Variants in NELL1 observed in about 807,000 individuals in gnomAD.
The protein encoded by NELL1 is protein kinase C-binding protein NELL1.
Under a neutral mutation model 107.4 loss-of-function variants are expected in NELL1, and 76 were observed. The ratio of observed to expected loss-of-function variants is 0.71; its 90% CI spans 0.59 to 0.86. The LOEUF is 0.86. Among genes scored for constraint, NELL1 ranks in the 40% least tolerant of loss-of-function variants. The pLI, the probability that NELL1 is intolerant of heterozygous loss-of-function variation, is 0.00. For synonymous variants in NELL1, 353 were observed against 341.2 expected, an observed-to-expected ratio of 1.03 and a Z score of -0.38; for missense variants, 1,024 against 1,005.5, an observed-to-expected ratio of 1.02 and a Z score of -0.25.
chr11:21,287,539 C>A (rs575586276), intron 14 of NELL1, among the ~76,000 whole-genome samples: 1 of 152,156 alleles, frequency 6.6e-6, no homozygotes, highest in Admixed American at 6.5e-5. Context: ...TCTGTCCCCC[C>A]ACCCTCATTC....
At chr11:20,777,448 A>G (rs1410062702) in intron 2 of NELL1, among the ~76,000 whole-genome samples, 1 of 152,208 alleles carries the variant, frequency 6.6e-6, no homozygotes, top group Non-Finnish European at 1.5e-5. Flanking sequence ...GGAGTCTTCT[A>G]GTGACTTCTG....
chr11:21,031,824 G>A (rs970262144), intron 12 of NELL1, among the ~76,000 whole-genome samples: 1 of 151,826 alleles, frequency 6.6e-6, no homozygotes, highest in Non-Finnish European at 1.5e-5. Flanking sequence ...CGAGGCAGGC[G>A]GATCACCTGA....
chr11:21,479,577 C>T (rs1044198817), intron 15 of NELL1, among the ~76,000 whole-genome samples: 1 of 151,718 alleles, frequency 6.6e-6, no homozygotes, highest in Non-Finnish European at 1.5e-5. Flanking sequence ...TTAATGGGTA[C>T]AAAAATACAT....
At position 21,112,295 on chromosome 11, in the gene NELL1, T is replaced by C. The variant is rs115504095; in HGVS notation, c.1301-1294T>C. 3.1e-3 allele frequency among the ~76,000 whole-genome samples: 475 copies of C among 152,220 alleles called. 4 individuals carry two copies. Among genetic ancestry groups the C allele is most frequent in the African/African-American group, 0.011 (450 of 41,566 alleles). ...AAAAGAATCTGATGTTATTTCAATA[T>C]ATTTTATTAGGAAATAAATCAACTT... is the stretch of plus-strand genomic sequence containing the variant. On this transcript the variant is annotated intron_variant, in intron 12 of 19. Transcript: ENST00000357134.
At chr11:21,495,939 TTTG>T (rs1473092469) in intron 15 of NELL1, among the ~76,000 whole-genome samples, 2 of 152,092 alleles carry the variant, frequency 1.3e-5, no homozygotes, top group Non-Finnish European at 2.9e-5. Context: ...GCTCTGTGAC[TTTG>T]TTGTCTATTA....
At chr11:21,152,383 T>G (rs1856138565) in intron 13 of NELL1, among the ~76,000 whole-genome samples, 1 of 152,192 alleles carries the variant, frequency 6.6e-6, no homozygotes, top group Admixed American at 6.5e-5. Flanking sequence ...CCACCTCCAT[T>G]GCTTAAAATG....
chr11:21,182,853 G>A (rs1404654331), intron 13 of NELL1, among the ~76,000 whole-genome samples: 1 of 151,806 alleles, frequency 6.6e-6, no homozygotes, highest in Non-Finnish European at 1.5e-5. Flanking sequence ...TGGGAAAACG[G>A]CAAATGGGAA....
intron 5 of NELL1, among the ~76,000 whole-genome samples, chr11:20,916,739 T>TTTA (rs958401326): frequency 6.0e-4 from 91 of 151,804 alleles, no homozygotes; most frequent in Admixed American, 9.2e-4. Context: ...TTTACATTCT[T>TTTA]TTATTATTAT....
chr11:21,546,156 A>G (rs981294472), intron 16 of NELL1, among the ~76,000 whole-genome samples: 6 of 151,956 alleles, frequency 3.9e-5, no homozygotes, highest in African/African-American at 1.4e-4. Context: ...TCCGGCCTCA[A>G]TGTTTCCAGT....
At chr11:21,290,809 GACATCC>G (rs1849240018) in intron 14 of NELL1, among the ~76,000 whole-genome samples, 1 of 152,124 alleles carries the variant, frequency 6.6e-6, no homozygotes, top group Non-Finnish European at 1.5e-5. Context: ...CAACAAAAAG[GACATCC>G]ACACAGAAAC....
intron 13 of NELL1, among the ~76,000 whole-genome samples, chr11:21,118,518 C>G (rs1855288529): frequency 1.3e-5 from 2 of 152,174 alleles, no homozygotes; most frequent in South Asian, 4.1e-4. Flanking sequence ...ACTTCCTTCC[C>G]TTAGTGGTCA....
intron 15 of NELL1, among the ~76,000 whole-genome samples, chr11:21,460,410 A>C (rs868769123): frequency 6.6e-6 from 1 of 152,074 alleles, no homozygotes; most frequent in African/African-American, 2.4e-5. Context: ...CTCAAATTGC[A>C]AAACATGGAA....
At chr11:20,889,328 G>C (rs964626240) in intron 5 of NELL1, among the ~76,000 whole-genome samples, 1 of 152,146 alleles carries the variant, frequency 6.6e-6, no homozygotes, top group Non-Finnish European at 1.5e-5. Context: ...AAAGACAGTA[G>C]AAAAAGTGTT....
At position 21,159,667 on chromosome 11, in the gene NELL1, G is replaced by C. The variant is rs183666552; in HGVS notation, c.1426+45953G>C. ...ACATATCCATGTTCTAGCTATCTGG[G>C]TGTAGGGAGAGGAAATATTTGTTCT... is the stretch of plus-strand genomic sequence containing the variant. On this transcript the variant is annotated intron_variant, in intron 13 of 19. Transcript: ENST00000357134. 1.1e-4 allele frequency among the ~76,000 whole-genome samples: 17 copies of C among 152,338 alleles called. No homozygotes were observed. The East Asian group carries it at 3.1e-3, about 28-fold the overall frequency.
At chr11:20,752,282 G>C (rs1856158280) in intron 2 of NELL1, among the ~76,000 whole-genome samples, 1 of 152,134 alleles carries the variant, frequency 6.6e-6, no homozygotes, top group African/African-American at 2.4e-5. Flanking sequence ...AGGTGTGGTG[G>C]CTCACACCTA....
At chr11:21,464,702 G>T (rs1354770570) in intron 15 of NELL1, among the ~76,000 whole-genome samples, 1 of 152,116 alleles carries the variant, frequency 6.6e-6, no homozygotes, top group Non-Finnish European at 1.5e-5. Context: ...TGTTAAGCTA[G>T]TTGTGTCCCT....
chr11:20,792,616 A>G (rs1380100850), intron 3 of NELL1, among the ~76,000 whole-genome samples: 1 of 151,970 alleles, frequency 6.6e-6, no homozygotes, highest in Admixed American at 6.6e-5. Flanking sequence ...ATTTTGAGAT[A>G]CTTTTGTGTC....
intron 4 of NELL1, among the ~76,000 whole-genome samples, chr11:20,869,125 TA>T (rs1849149868): frequency 6.6e-6 from 1 of 152,200 alleles, no homozygotes; most frequent in Non-Finnish European, 1.5e-5. Flanking sequence ...GAGAGGCTCA[TA>T]AGGCCTTAGA....
intron 2 of NELL1, among the ~76,000 whole-genome samples, chr11:20,775,619 C>T (rs1481183404): frequency 6.6e-6 from 1 of 152,072 alleles, no homozygotes; most frequent in African/African-American, 2.4e-5. Context: ...GATAAGGGGA[C>T]TTGATTGCTG....
Sources: gnomAD v4.1 joint callset for allele counts (sites outside exome capture counted in the v4.1 genomes callset) on GRCh38, gnomAD v4.1.1 for gene constraint, MANE v1.5 for transcripts, NCBI Gene and HGNC (gene_info 2026-07-23, HGNC 2026-07-21) for gene names.